NLRC3: variants seen among roughly 807,000 people sequenced by gnomAD.
The protein encoded by NLRC3 is NLR family CARD domain-containing protein 3.
A neutral mutation model predicts 91.6 loss-of-function variants in NLRC3; 87 were observed. The ratio of observed to expected loss-of-function variants is 0.95; its 90% CI spans 0.80 to 1.14. The LOEUF is 1.14. NLRC3 is among the 50% of genes most tolerant of loss of function. The pLI, the probability that NLRC3 is intolerant of heterozygous loss-of-function variation, is 0.00. For missense variants in NLRC3, 1,577 were observed against 1,418.6 expected (o/e 1.11, Z -1.79); for synonymous variants, 694 against 625.3 (o/e 1.11, Z -1.64).
chr16:3,558,699 G>C (rs557433722), intron 6 of NLRC3, among the ~76,000 whole-genome samples: 2 of 152,250 alleles, frequency 1.3e-5, no homozygotes, highest in East Asian at 3.9e-4. Context: ...AATAGTAGCT[G>C]TCCAGGCTCT....
rs747421019 is a variant in NLRC3, at chr16:3,544,317, G to A, written c.2784C>T (p.Asn928=). ...RSLTSLDLQE[N]AIGDDGACAV... Reference sequence around the variant, plus strand: ...CACACGCTCCGTCATCCCCGATGGCGTTCTCCTGTAAACTAGACACAGAGT... The same window carrying A: ...CACACGCTCCGTCATCCCCGATGGCATTCTCCTGTAAACTAGACACAGAGT... Residue 928 remains asparagine (N), a synonymous_variant, in exon 16 of 20, where the codon AAC becomes AAT. Transcript: ENST00000359128. 10 of 1,612,422 alleles carry A rather than the reference G, an allele frequency of 6.2e-6. No individual in the cohort carries two copies. The Admixed American group carries it at 8.3e-5, about 13-fold the overall frequency.
rs2038904356 is a variant in NLRC3, at chr16:3,549,872, A to G, written c.2436-92T>C. The G allele has an allele frequency of 7.3e-6, 6 of 826,382 alleles. No individual in the cohort carries two copies. In the East Asian group the frequency reaches 8.0e-5, roughly 11 times the overall value. The allele number at this position is 826,382 out of a possible 1,614,324, so 51.2% of individuals were successfully genotyped here. A position where few individuals can be genotyped will look rare whatever the true frequency, so the allele number is the denominator to read the frequency against. On this transcript the variant is annotated intron_variant, in intron 11 of 19. Coordinates refer to ENST00000359128, the MANE Select transcript of NLRC3 (RefSeq NM_178844.4). ...TCTGGGACAGCAGGCACTGGGCTCA[A>G]CAGGGAGTTGGGGGCTCCAGGGACA...
intron 17 of NLRC3, 199 bp downstream of exon 17, chr16:3,543,226 A>T (rs2038501063): frequency 2.3e-5 from 13 of 574,260 alleles, no homozygotes; most frequent in Non-Finnish European, 4.1e-5. Context: ...TGGCAAGGCC[A>T]ACCCGGAGAG....
At chr16:3,555,473 C>G (rs972802772) in intron 8 of NLRC3, among the ~76,000 whole-genome samples, 4 of 152,012 alleles carry the variant, frequency 2.6e-5, no homozygotes, top group African/African-American at 9.7e-5. Flanking sequence ...GGTATGAGGT[C>G]TCCTTCAGGG....
At chr16:3,567,772 A>AG (rs2039941198) in intron 1 of NLRC3, among the ~76,000 whole-genome samples, 1 of 32,664 alleles carries the variant, frequency 3.1e-5, no homozygotes, top group East Asian at 2.5e-3. Flanking sequence ...ACTCCATCTC[A>AG]AAAAAAAAAA....
rs1295050838 is a variant in NLRC3 at position 3,541,518 on chromosome 16, T to G, written c.*307A>C. On this transcript the variant is annotated 3_prime_UTR_variant, in exon 20 of 20. Coordinates refer to ENST00000359128, the MANE Select transcript of NLRC3 (RefSeq NM_178844.4). ...GGGGACACATGAAGTCCTCAGGGTGTAAAGCTGGAACCAGCCTCCTGTACT... is the reference window on the plus strand; with the variant it reads ...GGGGACACATGAAGTCCTCAGGGTGGAAAGCTGGAACCAGCCTCCTGTACT... 3.0e-6 allele frequency: 1 copy of G among 328,438 alleles called. No individual in the cohort carries two copies. Among genetic ancestry groups the G allele is most frequent in the African/African-American group, 2.1e-5 (1 of 47,376 alleles). 20.3% of individuals were successfully genotyped at this position (328,438 alleles called of 1,614,324 possible). A position where few individuals can be genotyped will look rare whatever the true frequency, so the allele number is the denominator to read the frequency against.
At chr16:3,545,115 C>T (rs1254793364) in intron 15 of NLRC3, 2 of 152,228 alleles carry the variant, frequency 1.3e-5, no homozygotes, top group African/African-American at 4.8e-5. Flanking sequence ...CTGGTATGTT[C>T]AAGGCCAAGA....
intron 5 of NLRC3, 35 bp downstream of exon 5, chr16:3,562,974 C>A: frequency 6.5e-7 from 1 of 1,537,910 alleles, no homozygotes; most frequent in Non-Finnish European, 8.8e-7. Context: ...TCCTCTGCCC[C>A]TTCCCCAGCC....
Position 3,563,137 on chromosome 16 carries a change from G to T in NLRC3, c.1800C>A (p.His600Gln), listed in dbSNP as rs2151099267. ...GALARLTGPA[H>Q]RAALAYLLQV... ...GCAGGAGGTAGGCCAGGGCAGCGCG[G>T]TGCGCGGGACCAGTCAGCCTGGCCA... Residue 600 changes from histidine (H) to glutamine (Q), a missense_variant, in exon 5 of 20, where the codon CAC becomes CAA. Physicochemically the swap from His to Gln is conservative, Grantham distance 24. Transcript: ENST00000359128. The T allele has an allele frequency of 1.3e-6, 2 of 1,585,886 alleles. No individual in the cohort carries two copies. Among genetic ancestry groups the T allele is most frequent in the East Asian group, 2.3e-5 (1 of 43,750 alleles).
intron 17 of NLRC3, 50 bp from the exon 18 acceptor site, chr16:3,542,825 A>G (rs945928683): frequency 1.5e-6 from 2 of 1,301,514 alleles, no homozygotes; most frequent in African/African-American, 2.9e-5. Flanking sequence ...CTGAGAGGTG[A>G]TACTGACCCC....
intron 5 of NLRC3, among the ~76,000 whole-genome samples, chr16:3,562,476 A>G (rs1384765136): frequency 6.6e-6 from 1 of 152,132 alleles, no homozygotes; most frequent in Non-Finnish European, 1.5e-5. Flanking sequence ...CCCCGTCTCT[A>G]CTAAAAACAC....
At position 3,563,433 on chromosome 16, in the gene NLRC3, C is replaced by T. The variant is rs1233168487; in HGVS notation, c.1504G>A (p.Ala502Thr). The change falls in exon 5 of 20, where the codon GCC (alanine) becomes ACC (threonine). Residue 502 changes from alanine (A) to threonine (T), a missense_variant. Ala to Thr is a moderately conservative substitution (Grantham distance 58). Transcript: ENST00000359128. ...LTHFRSAAQR[A>T]MQAEDGRLDV... Reference sequence around the variant, plus strand: ...AGCCTCCCGTCCTCTGCCTGCATGGCCCGCTGGGCTGCGCTCCTGAAATGC... The same window carrying T: ...AGCCTCCCGTCCTCTGCCTGCATGGTCCGCTGGGCTGCGCTCCTGAAATGC... 6.3e-7 allele frequency: 1 copy of T among 1,575,758 alleles called. No individual in the cohort carries two copies.
In NLRC3 at chr16:3,563,948, G is replaced by A; in HGVS notation, c.989C>T (p.Ala330Val). ...RALYLMCTVP[A>V]FCRLTGMALG... is the part of the protein sequence containing the mutation. ...CGCCATCCCCGTGAGCCTGCAGAAG[G>A]CTGGGACGGTGCACATCAGGTACAG... The change falls in exon 5 of 20, where the codon GCC becomes GTC. Residue 330 changes from alanine (A) to valine (V), a missense_variant. Coordinates refer to ENST00000359128, the MANE Select transcript of NLRC3 (RefSeq NM_178844.4). The A allele has an allele frequency of 6.3e-7, 1 of 1,597,832 alleles. No individual in the cohort carries two copies. Among genetic ancestry groups the A allele is most frequent in the Non-Finnish European group, 8.5e-7 (1 of 1,174,448 alleles).
At chr16:3,569,421 T>TC (rs2040018602) in intron 1 of NLRC3, among the ~76,000 whole-genome samples, 1 of 119,164 alleles carries the variant, frequency 8.4e-6, no homozygotes, top group Non-Finnish European at 1.7e-5. Flanking sequence ...TTTTTTTTTT[T>TC]GAGGTGGAGT....
At chr16:3,548,008 A>T in intron 15 of NLRC3, 127 bp downstream of exon 15, 1 of 652,370 alleles carries the variant, frequency 1.5e-6, no homozygotes, top group East Asian at 2.7e-5. Context: ...GAAACATGCC[A>T]GCTGGCCTTA....
intron 12 of NLRC3, among the ~76,000 whole-genome samples, 187 bp downstream of exon 12, chr16:3,549,510 C>T (rs1252628635): frequency 2.6e-5 from 4 of 152,194 alleles, no homozygotes; most frequent in African/African-American, 9.6e-5. Context: ...GGGAAGGGAG[C>T]GGCAGAATGG....
chr16:3,565,666 A>G (rs2039851164), intron 2 of NLRC3, among the ~76,000 whole-genome samples: 1 of 151,978 alleles, frequency 6.6e-6, no homozygotes, highest in South Asian at 2.1e-4. Context: ...GGGCAGTAAC[A>G]TGACTCTGTA....
chr16:3,564,259 C>T lies in NLRC3; in HGVS notation c.678G>A (p.Thr226=), dbSNP rs377270280. The T allele has an allele frequency of 6.2e-6, 10 of 1,612,546 alleles. No individual in the cohort carries two copies. The highest frequency in any genetic ancestry group is 1.3e-5 in the African/African-American group (1 of 75,054). Residue 226 remains threonine, a synonymous_variant, in exon 5 of 20, where the codon ACG becomes ACA. Coordinates refer to ENST00000359128, the MANE Select transcript of NLRC3 (RefSeq NM_178844.4). This position sits in a 1 kb window ranked among gnomAD's most constrained non-coding sequence, Gnocchi z 5.9. The part of the protein sequence containing the change: ...LILDGLDECR[T]PLDFSNTVAC... The stretch of plus-strand genomic sequence containing the variant: ...CCACGGTGTTGGAGAAGTCCAGAGG[C>T]GTCCTGCACTCATCCAAGCCGTCCA...
In NLRC3 at chr16:3,541,803, TCTC is replaced by T. The variant is rs779921474; in HGVS notation, c.*19_*21del. The T allele has an allele frequency of 2.0e-6, 3 of 1,535,584 alleles. No homozygotes were observed. Among genetic ancestry groups the T allele is most frequent in the African/African-American group, 2.7e-5 (2 of 73,426 alleles). ...AGCTTCCAGCTGAGCATCTGCCCATTCTCCTGATCCGTCCACCAGGATCACATT... is the reference window on the plus strand; with the variant it reads ...AGCTTCCAGCTGAGCATCTGCCCATTCTGATCCGTCCACCAGGATCACATT... On this transcript the variant is annotated 3_prime_UTR_variant, in exon 20 of 20. Transcript: ENST00000359128.
Sources: allele counts gnomAD v4.1 joint callset (sites outside exome capture counted in the v4.1 genomes callset), GRCh38; gene constraint gnomAD v4.1.1; non-coding constraint Gnocchi (gnomAD v3.1); transcripts MANE v1.5; gene names NCBI Gene and HGNC (gene_info 2026-07-23, HGNC 2026-07-21).